The following MBTD1 variants were observed in gnomAD, a reference collection of about 807,000 sequenced individuals.
MBTD1 encodes mbt domain containing 1.
Under a neutral mutation model 87.8 loss-of-function variants are expected in MBTD1, and 24 were observed. The observed-to-expected ratio is 0.27, with a 90% CI of 0.20 to 0.38. The LOEUF (loss-of-function observed/expected upper bound fraction) is 0.38, where lower values mean the gene tolerates loss of function less well. Ranked by LOEUF, MBTD1 falls within the 10% of genes least tolerant of loss-of-function variation. The pLI is 1.00. For synonymous variants in MBTD1, 237 were observed against 248.6 expected (o/e 0.95, Z 0.44); for missense variants, 436 against 760.2 (o/e 0.57, Z 5.02).
chr17:51,192,363 A>G (rs2050854899), intron 15 of MBTD1, 83 bp from the exon 16 acceptor site: 1 of 947,744 alleles, frequency 1.1e-6, no homozygotes. Context: ...ACTTATATGA[A>G]CTATCTTTAC....
rs898767443 is a variant in MBTD1, at chr17:51,259,942, C to T, written c.-220G>A. 1 of 1,179,370 alleles carries T rather than the reference C, an allele frequency of 8.5e-7. No homozygotes were observed. Among genetic ancestry groups the T allele is most frequent in the East Asian group, 3.2e-5 (1 of 31,416 alleles). The allele number at this position is 1,179,370 out of a possible 1,614,324, so 73.1% of individuals were successfully genotyped here. On this transcript the variant is annotated 5_prime_UTR_variant, in exon 1 of 17. Coordinates refer to ENST00000586178, the MANE Select transcript of MBTD1 (RefSeq NM_017643.3). ...TGGGGGCAGGTGCCTCTCCCCGGGA[C>T]TGCGGCGACTACAGGGGGCCCCCGG...
chr17:51,229,030 A>T (rs1425694584), intron 2 of MBTD1, among the ~76,000 whole-genome samples: 2 of 151,974 alleles, frequency 1.3e-5, no homozygotes, highest in Admixed American at 1.3e-4. Flanking sequence ...AAAAAACAAG[A>T]AAAAGAAAAA....
rs1199708676 is a variant in MBTD1, at chr17:51,203,950, CATA to C, written c.605-28_605-26del. The C allele has an allele frequency of 3.2e-6, 5 of 1,548,856 alleles. No individual in the cohort carries two copies. The African/African-American group carries it at 4.2e-5, about 13-fold the overall frequency. On this transcript the variant is annotated intron_variant, in intron 7 of 16. Transcript: ENST00000586178. ...CCTGAAACCCAGAAATAAATCACTA[CATA>C]ATAAGAAAATAAAATTAAATAAAAC...
At chr17:51,242,312 T>C (rs774145312) in intron 2 of MBTD1, among the ~76,000 whole-genome samples, 16 of 152,186 alleles carry the variant, frequency 1.1e-4, no homozygotes, top group Non-Finnish European at 2.2e-4. Context: ...TTTCTCACTT[T>C]CCCACACTTC....
At chr17:51,259,061 G>T in intron 2 of MBTD1, 82 bp downstream of exon 2, 1 of 399,476 alleles carries the variant, frequency 2.5e-6, no homozygotes, top group Non-Finnish European at 4.4e-6. Flanking sequence ...ACAACAATTA[G>T]AACTACTGAA....
At chr17:51,188,753 G>GTTT (rs767959315) in intron 16 of MBTD1, among the ~76,000 whole-genome samples, 85 of 108,816 alleles carry the variant, frequency 7.8e-4, no homozygotes, top group African/African-American at 1.8e-3. Context: ...ATTCAAATAG[G>GTTT]TTTTTTTTTT....
chr17:51,225,725 ATTTCT>A (rs1366531679), intron 2 of MBTD1, among the ~76,000 whole-genome samples: 1 of 150,890 alleles, frequency 6.6e-6, no homozygotes, highest in African/African-American at 2.4e-5. Flanking sequence ...CCTCGCCCAG[ATTTCT>A]TTTTTCTTTT....
intron 2 of MBTD1, among the ~76,000 whole-genome samples, chr17:51,235,545 CATTTGAAAATCAATAAAT>C (rs1282757800): frequency 6.6e-6 from 1 of 152,154 alleles, no homozygotes; most frequent in Non-Finnish European, 1.5e-5. Context: ...ACTAATTCAA[CATTTGAAAATCAATAAAT>C]TCACCGCATT....
chr17:51,199,327 C>A lies in MBTD1; in HGVS notation c.1224+2265G>T, dbSNP rs113924064. ...GGTCTTGAACTCCTGACCTCATGAT[C>A]TGCCCTTCTAAAGTGCTGGAATTAC... On this transcript the variant is annotated intron_variant, in intron 12 of 16. Coordinates refer to ENST00000586178, the MANE Select transcript of MBTD1 (RefSeq NM_017643.3). Among the ~76,000 whole-genome samples, 23 of 150,792 alleles carry A rather than the reference C, an allele frequency of 1.5e-4. 2 individuals carry two copies. Among genetic ancestry groups the A allele is most frequent in the African/African-American group, 5.4e-4 (22 of 41,036 alleles).
intron 2 of MBTD1, among the ~76,000 whole-genome samples, chr17:51,254,813 TAATTAAA>T (rs1169607495): frequency 2.0e-5 from 3 of 152,232 alleles, no homozygotes; most frequent in Non-Finnish European, 2.9e-5. Context: ...CCTGGAAAGC[TAATTAAA>T]AATAAGATGA....
At chr17:51,252,168 G>A (rs550230896) in intron 2 of MBTD1, among the ~76,000 whole-genome samples, 3 of 152,214 alleles carry the variant, frequency 2.0e-5, no homozygotes, top group South Asian at 2.1e-4. Flanking sequence ...CTGTAGCAGC[G>A]CATTTAAACC....
chr17:51,181,929 T>C (rs2050331310), intron 16 of MBTD1, among the ~76,000 whole-genome samples: 1 of 151,822 alleles, frequency 6.6e-6, no homozygotes, highest in Non-Finnish European at 1.5e-5. Context: ...CTGGCTGTGT[T>C]CAGGTTACCG....
chr17:51,244,687 C>T (rs2054331951), intron 2 of MBTD1, among the ~76,000 whole-genome samples: 1 of 152,156 alleles, frequency 6.6e-6, no homozygotes, highest in African/African-American at 2.4e-5. Context: ...GGATTACAGG[C>T]ATGACCCAAC....
rs1018103978 is a variant in MBTD1, at chr17:51,259,966, G to A, written c.-244C>T. ...ACTGCGGCGACTACAGGGGGCCCCC[G>A]GCTGGGCCCAGACCGGTGGCGGGTG... On this transcript the variant is annotated 5_prime_UTR_variant, in exon 1 of 17. Transcript: ENST00000586178. The A allele has an allele frequency of 1.0e-4, 102 of 1,008,744 alleles. No individual in the cohort carries two copies. Among genetic ancestry groups the A allele is most frequent in the Non-Finnish European group, 9.3e-5 (73 of 784,434 alleles). The allele number at this position is 1,008,744 out of a possible 1,614,324, so 62.5% of individuals were successfully genotyped here.
chr17:51,240,785 G>C (rs1435635326), intron 2 of MBTD1, among the ~76,000 whole-genome samples: 1 of 152,100 alleles, frequency 6.6e-6, no homozygotes, highest in East Asian at 1.9e-4. Context: ...CCCTTCTTGA[G>C]AGTGGAATGT....
rs967167220 is a variant in MBTD1 at position 51,180,492 on chromosome 17, G to A, written c.*84C>T. 12 of 530,618 alleles carry A rather than the reference G, an allele frequency of 2.3e-5. No homozygotes were observed. The highest frequency in any genetic ancestry group is 3.1e-5 in the Non-Finnish European group (10 of 323,870). 32.9% of individuals were successfully genotyped at this position (530,618 alleles called of 1,614,324 possible). ...CTATGTTTAGCAAAATGTCCCAGTA[G>A]AGTAGCCCCCTGTACAGCTGGATTG... On this transcript the variant is annotated 3_prime_UTR_variant, in exon 17 of 17. Transcript: ENST00000586178.
rs200313108 is a variant in MBTD1 at position 51,231,304 on chromosome 17, C to G, written c.-48-6095G>C. Among the ~76,000 whole-genome samples, 15 of 152,212 alleles carry G rather than the reference C, an allele frequency of 9.9e-5. No homozygotes were observed. The East Asian group carries it at 2.9e-3, about 29-fold the overall frequency. On this transcript the variant is annotated intron_variant, in intron 2 of 16. Transcript: ENST00000586178. ...AATATATAGCCAACTTGGTTAGCAG[C>G]TAATGTAAGATTATTGACCCTTAAA... is the stretch of plus-strand genomic sequence containing the variant.
chr17:51,253,422 C>G (rs763460876), intron 2 of MBTD1, among the ~76,000 whole-genome samples: 3 of 152,064 alleles, frequency 2.0e-5, no homozygotes, highest in Non-Finnish European at 4.4e-5. Flanking sequence ...GACAAACTTA[C>G]AATCAGCAGG....
intron 2 of MBTD1, among the ~76,000 whole-genome samples, chr17:51,242,410 C>G (rs747996523): frequency 6.6e-6 from 1 of 152,174 alleles, no homozygotes; most frequent in Non-Finnish European, 1.5e-5. Context: ...TAAATAGTTA[C>G]AGAAGCATTA....
Sources: allele counts gnomAD v4.1 joint callset (sites outside exome capture counted in the v4.1 genomes callset), GRCh38; gene constraint gnomAD v4.1.1; transcripts MANE v1.5; gene names NCBI Gene and HGNC (gene_info 2026-07-23, HGNC 2026-07-21).